The following KAT2B variants were observed in gnomAD, a reference collection of about 807,000 sequenced individuals.
KAT2B encodes histone acetyltransferase KAT2B.
Under a neutral mutation model 105.9 loss-of-function variants are expected in KAT2B, and 36 were observed. That is an observed-to-expected ratio of 0.34 (90% confidence interval 0.26 to 0.45). The LOEUF (loss-of-function observed/expected upper bound fraction) is 0.45, where lower values mean the gene tolerates loss of function less well. Among genes scored for constraint, KAT2B ranks in the 20% least tolerant of loss-of-function variants. KAT2B has a pLI of 1.00. For missense variants in KAT2B, 820 were observed against 1,021.6 expected (o/e 0.80, Z 2.69); for synonymous variants, 397 against 377.9 (o/e 1.05, Z -0.59).
At position 20,136,923 on chromosome 3, in the gene KAT2B, T is replaced by A. The variant is rs1315203314; in HGVS notation, c.1750-19T>A. The A allele has an allele frequency of 1.5e-6, 2 of 1,368,742 alleles. No homozygotes were observed. Among genetic ancestry groups the A allele is most frequent in the Admixed American group, 1.7e-5 (1 of 57,762 alleles). 84.8% of individuals were successfully genotyped at this position (1,368,742 alleles called of 1,614,324 possible). A position where few individuals can be genotyped will look rare whatever the true frequency, so the allele number is the denominator to read the frequency against. ...CTCCCCAGTCTAATGTATTTGTTTGTATACTAACTTCCACACAGGGCTATG... is the reference window on the plus strand; with the variant it reads ...CTCCCCAGTCTAATGTATTTGTTTGAATACTAACTTCCACACAGGGCTATG... On this transcript the variant is annotated intron_variant, in intron 11 of 17. Transcript: ENST00000263754.
At chr3:20,151,218 T>A (rs1699864785) in intron 17 of KAT2B, among the ~76,000 whole-genome samples, 1 of 152,236 alleles carries the variant, frequency 6.6e-6, no homozygotes, top group Admixed American at 6.5e-5. Flanking sequence ...AGATAGGCTT[T>A]ATTCAAGAGA....
intron 17 of KAT2B, among the ~76,000 whole-genome samples, chr3:20,149,194 A>G (rs1445797717): frequency 6.6e-6 from 1 of 152,072 alleles, no homozygotes; most frequent in Non-Finnish European, 1.5e-5. Context: ...ACCAGTTGAA[A>G]TGTTTTCTTT....
chr3:20,043,593 G>A (rs1697755890), intron 1 of KAT2B, among the ~76,000 whole-genome samples: 1 of 150,230 alleles, frequency 6.7e-6, no homozygotes. Flanking sequence ...AAGCAGTTGT[G>A]GAAGCTTGGA....
At chr3:20,107,047 T>C (rs1182819833) in intron 5 of KAT2B, among the ~76,000 whole-genome samples, 1 of 80,574 alleles carries the variant, frequency 1.2e-5, no homozygotes, top group African/African-American at 4.9e-5. Context: ...TTTTTTTTTT[T>C]TTTGAGACGG....
intron 1 of KAT2B, among the ~76,000 whole-genome samples, chr3:20,054,344 G>T (rs1450913834): frequency 2.0e-5 from 3 of 151,938 alleles, no homozygotes; most frequent in Non-Finnish European, 2.9e-5. Flanking sequence ...GGCCAGGCTG[G>T]TCTTGAATTC....
At chr3:20,061,910 A>AAACAT (rs1405603350) in intron 1 of KAT2B, among the ~76,000 whole-genome samples, 7 of 108,636 alleles carry the variant, frequency 6.4e-5, no homozygotes, top group South Asian at 4.5e-4. Context: ...ATTATATATA[A>AAACAT]AATATGTATT....
intron 2 of KAT2B, among the ~76,000 whole-genome samples, chr3:20,084,892 T>C (rs544050888): frequency 6.6e-6 from 1 of 152,332 alleles, no homozygotes; most frequent in Non-Finnish European, 1.5e-5. Context: ...TTTGAAAAAG[T>C]AAGCTACTAT....
intron 17 of KAT2B, among the ~76,000 whole-genome samples, chr3:20,150,233 C>A (rs1699849506): frequency 6.6e-6 from 1 of 152,008 alleles, no homozygotes. Flanking sequence ...TATTTTTTTT[C>A]TTGGTATTGT....
chr3:20,111,860 C>A, intron 6 of KAT2B, 73 bp downstream of exon 6: 2 of 1,151,188 alleles, frequency 1.7e-6, no homozygotes, highest in Non-Finnish European at 1.2e-6. Context: ...CCAAAGCCTG[C>A]ATAAATAACA....
rs1699272579 is a variant in KAT2B at position 20,119,653 on chromosome 3, C to T, written c.1206C>T (p.Ser402=). ...GTISYNSTSS[S]LEQPNAGSSS... ...TTTCATACAATTCAACCTCATCTTCCCTTGAGCAGCCAAACGCAGGGAGCA... is the reference window on the plus strand; with the variant it reads ...TTTCATACAATTCAACCTCATCTTCTCTTGAGCAGCCAAACGCAGGGAGCA... The change falls in exon 8 of 18, where the codon TCC becomes TCT. Residue 402 remains serine, a synonymous_variant. Coordinates refer to ENST00000263754, the MANE Select transcript of KAT2B (RefSeq NM_003884.5). 1 of 1,614,100 alleles carries T rather than the reference C, an allele frequency of 6.2e-7. No homozygotes were observed. The highest frequency in any genetic ancestry group is 8.5e-7 in the Non-Finnish European group (1 of 1,179,968).
chr3:20,064,551 G>T (rs1698192885), intron 1 of KAT2B, among the ~76,000 whole-genome samples: 1 of 152,136 alleles, frequency 6.6e-6, no homozygotes, highest in Non-Finnish European at 1.5e-5. Context: ...GAGCAGAGAG[G>T]TAGTGAATAA....
In KAT2B at chr3:20,111,732, G is replaced by A; in HGVS notation, c.988G>A (p.Glu330Lys). Residue 330 changes from glutamate to lysine, a missense_variant, in exon 6 of 18, where the codon GAA (glutamate) becomes AAA (lysine). Physicochemically the swap from Glu to Lys is moderately conservative, Grantham distance 56 (BLOSUM62 1). This residue lies in a region of KAT2B where 173 missense variants were observed against 249.5 expected (regional missense o/e 0.69). Transcript: ENST00000263754. ...ACAACTCCTGGAACAAGCAAGACAG[G>A]AAAAAGATAAACTGCCTCTTGAAAA... The part of the protein sequence containing the change: ...RRQLLEQARQ[E>K]KDKLPLEKRT... 1 of 1,613,954 alleles carries A rather than the reference G, an allele frequency of 6.2e-7. No homozygotes were observed. The highest frequency in any genetic ancestry group is 8.5e-7 in the Non-Finnish European group (1 of 1,179,914).
chr3:20,122,173 C>A (rs1699322976), intron 8 of KAT2B, among the ~76,000 whole-genome samples: 1 of 152,146 alleles, frequency 6.6e-6, no homozygotes, highest in Non-Finnish European at 1.5e-5. Context: ...ACAACATGAT[C>A]TGTAAGCTGA....
chr3:20,086,647 T>C lies in KAT2B; in HGVS notation c.431-8616T>C, dbSNP rs180889508. Among the ~76,000 whole-genome samples the C allele has an allele frequency of 2.4e-3, 367 of 152,266 alleles. 1 individual carries two copies. Among genetic ancestry groups the C allele is most frequent in the African/African-American group, 8.4e-3 (348 of 41,566 alleles). On this transcript the variant is annotated intron_variant, in intron 2 of 17. Coordinates refer to ENST00000263754, the MANE Select transcript of KAT2B (RefSeq NM_003884.5). ...AATGCTGTATTGGGGTGCACACCCA[T>C]GCATATTCCTCATCATGGGTCCATC...
chr3:20,129,007 CAAAAA>C (rs534566854), intron 11 of KAT2B, among the ~76,000 whole-genome samples: 1 of 57,284 alleles, frequency 1.7e-5, no homozygotes, highest in East Asian at 5.5e-4. Context: ...AACTCCATCT[CAAAAA>C]AAAAAAAAAA....
chr3:20,100,668 A>G (rs1445133120), intron 4 of KAT2B, among the ~76,000 whole-genome samples: 5 of 152,228 alleles, frequency 3.3e-5, no homozygotes, highest in Non-Finnish European at 4.4e-5. Context: ...TCCAAACTCT[A>G]TTAAATAAGA....
At chr3:20,080,531 C>T (rs1396950428) in intron 2 of KAT2B, among the ~76,000 whole-genome samples, 2 of 152,098 alleles carry the variant, frequency 1.3e-5, no homozygotes, top group African/African-American at 2.4e-5. Context: ...GACTTTTTCT[C>T]TAGTTTGTAA....
intron 3 of KAT2B, among the ~76,000 whole-genome samples, chr3:20,097,954 G>A (rs1030806421): frequency 7.2e-5 from 11 of 152,062 alleles, no homozygotes; most frequent in Non-Finnish European, 1.3e-4. Context: ...CTTAGTCTGG[G>A]CACGGTGGCT....
At chr3:20,138,276 T>G (rs1699637993) in intron 12 of KAT2B, among the ~76,000 whole-genome samples, 1 of 152,188 alleles carries the variant, frequency 6.6e-6, no homozygotes, top group Non-Finnish European at 1.5e-5. Context: ...ACATAAATCT[T>G]TTTAGTATTT....
Sources: gnomAD v4.1 joint callset for allele counts (sites outside exome capture counted in the v4.1 genomes callset) on GRCh38, gnomAD v4.1.1 for gene constraint, gnomAD v4.1.1 regional missense constraint, MANE v1.5 for transcripts, NCBI Gene and HGNC (gene_info 2026-07-23, HGNC 2026-07-21) for gene names.